The following CABIN1 variants were observed in gnomAD, a reference collection of about 807,000 sequenced individuals.
CABIN1 encodes calcineurin-binding protein cabin-1.
A neutral mutation model predicts 227.7 loss-of-function variants in CABIN1; 133 were observed. That is an observed-to-expected ratio of 0.58 (90% confidence interval 0.51 to 0.67). The LOEUF (loss-of-function observed/expected upper bound fraction) is 0.67. CABIN1 is among the 30% of genes least tolerant of loss of function. The probability of loss-of-function intolerance (pLI) is 0.00; values close to 1 mark genes in which losing one functional copy is unlikely to be tolerated. For missense variants in CABIN1, 2,408 were observed against 2,852.5 expected (o/e 0.84, Z 3.55); for synonymous variants, 1,086 against 1,155.1 (o/e 0.94, Z 1.21).
intron 29 of CABIN1, among the ~76,000 whole-genome samples, chr22:24,140,160 A>T (rs1292787862): frequency 6.6e-6 from 1 of 152,158 alleles, no homozygotes; most frequent in Non-Finnish European, 1.5e-5. Context: ...AGTTTAAGGG[A>T]CCAGAGAATG....
intron 26 of CABIN1, among the ~76,000 whole-genome samples, chr22:24,098,473 C>T (rs754093058): frequency 1.2e-4 from 18 of 152,168 alleles, no homozygotes; most frequent in African/African-American, 3.9e-4. Context: ...TTCTTTTTCT[C>T]GCCTGCAAAA....
intron 18 of CABIN1, among the ~76,000 whole-genome samples, chr22:24,075,856 T>C (rs567198197): frequency 6.6e-6 from 1 of 152,232 alleles, no homozygotes. Context: ...CACAGATGGA[T>C]GCTGTGACTG....
At chr22:24,049,905 G>A (rs978940413) in intron 7 of CABIN1, among the ~76,000 whole-genome samples, 1 of 152,072 alleles carries the variant, frequency 6.6e-6, no homozygotes, top group African/African-American at 2.4e-5. Context: ...CTTCTGAGGT[G>A]ACCCAAGAAT....
Position 24,166,920 on chromosome 22 carries a change from G to C in CABIN1, c.5289G>C (p.Thr1763=), listed in dbSNP as rs747411932. 7 of 1,605,838 alleles carry C rather than the reference G, an allele frequency of 4.4e-6. No homozygotes were observed. The highest frequency in any genetic ancestry group is 1.1e-5 in the South Asian group (1 of 90,234). The change falls in exon 32 of 37, where the codon ACG becomes ACC. Residue 1763 remains threonine, a synonymous_variant. Coordinates refer to ENST00000263119, the MANE Select transcript of CABIN1 (RefSeq NM_012295.4). ...CAGGGCCCACTGAGCCCATGGACACGAGTGAGGCCACTGTTTGCCACTCAG... is the reference window on the plus strand; with the variant it reads ...CAGGGCCCACTGAGCCCATGGACACCAGTGAGGCCACTGTTTGCCACTCAG... ...PRAGPTEPMD[T]SEATVCHSDL... is the part of the protein sequence containing the mutation.
chr22:24,176,288 G>T lies in CABIN1; in HGVS notation c.6205+13G>T. 1.3e-6 allele frequency: 2 copies of T among 1,590,626 alleles called. No individual in the cohort carries two copies. The highest frequency in any genetic ancestry group is 2.3e-5 in the East Asian group (1 of 43,558). Reference sequence around the variant, plus strand: ...ACCTGCAGCCAGGGTAAGGCGAGTTGGGAGCAGCCCAGCACCAGCCCCCAG... The same window carrying T: ...ACCTGCAGCCAGGGTAAGGCGAGTTTGGAGCAGCCCAGCACCAGCCCCCAG... On this transcript the variant is annotated intron_variant, in intron 35 of 36. Coordinates refer to ENST00000263119, the MANE Select transcript of CABIN1 (RefSeq NM_012295.4).
chr22:24,063,096 G>C lies in CABIN1; in HGVS notation c.1834G>C (p.Glu612Gln). The change falls in exon 14 of 37, where the codon GAG becomes CAG. Residue 612 changes from glutamate (E) to glutamine (Q), a missense_variant. Transcript: ENST00000263119. ...CGACCTGTTCGAGGATGGTTGGCTGGAGTTTGTGGTCCGTGTTTACTGGCT... is the reference window on the plus strand; with the variant it reads ...CGACCTGTTCGAGGATGGTTGGCTGCAGTTTGTGGTCCGTGTTTACTGGCT... ...QRDLFEDGWL[E>Q]FVVRVYWLKA... 6.2e-7 allele frequency: 1 copy of C among 1,614,166 alleles called. No individual in the cohort carries two copies. The highest frequency in any genetic ancestry group is 1.7e-4 in the Middle Eastern group (1 of 6,060).
chr22:24,152,012 G>C (rs2045513855), intron 29 of CABIN1, among the ~76,000 whole-genome samples: 1 of 152,184 alleles, frequency 6.6e-6, no homozygotes, highest in African/African-American at 2.4e-5. Flanking sequence ...TGTGGGGACA[G>C]CCATCTTGGG....
At chr22:24,105,937 A>C (rs1223967351) in intron 26 of CABIN1, among the ~76,000 whole-genome samples, 1 of 152,182 alleles carries the variant, frequency 6.6e-6, no homozygotes, top group Non-Finnish European at 1.5e-5. Context: ...CCATTAGCAC[A>C]CAAAGTTGCA....
chr22:24,032,495 T>C (rs967445697), intron 1 of CABIN1, among the ~76,000 whole-genome samples: 1 of 152,196 alleles, frequency 6.6e-6, no homozygotes, highest in Non-Finnish European at 1.5e-5. Context: ...ATTTTGTGTA[T>C]ATAGCCAGAT....
At chr22:24,071,744 T>A (rs895310947) in intron 17 of CABIN1, among the ~76,000 whole-genome samples, 1 of 152,140 alleles carries the variant, frequency 6.6e-6, no homozygotes, top group East Asian at 1.9e-4. Context: ...CCCTTCATGT[T>A]CCCTCCAGGT....
intron 26 of CABIN1, among the ~76,000 whole-genome samples, chr22:24,101,524 G>T (rs2042200234): frequency 6.6e-6 from 1 of 152,218 alleles, no homozygotes. Context: ...TCACGGAACA[G>T]CCAGGAGGGC....
chr22:24,020,836 TTGTG>T (rs71184941), intron 1 of CABIN1, among the ~76,000 whole-genome samples: 17 of 137,010 alleles, frequency 1.2e-4, no homozygotes, highest in African/African-American at 2.8e-4. Flanking sequence ...TGAGCAGTTT[TTGTG>T]TGTGTGTGTG....
chr22:24,022,504 A>G (rs2035796288), intron 1 of CABIN1, among the ~76,000 whole-genome samples: 1 of 152,184 alleles, frequency 6.6e-6, no homozygotes, highest in Admixed American at 6.6e-5. Flanking sequence ...TTATCTACTC[A>G]CCTAATGAAG....
chr22:24,094,518 G>T (rs758401935), intron 24 of CABIN1, among the ~76,000 whole-genome samples: 13 of 152,210 alleles, frequency 8.5e-5, no homozygotes, highest in Non-Finnish European at 1.3e-4. Context: ...TATATCTTGT[G>T]TTAAAAATGA....
chr22:24,055,531 GCTGA>G (rs1425582577), intron 9 of CABIN1, among the ~76,000 whole-genome samples: 1 of 152,188 alleles, frequency 6.6e-6, no homozygotes, highest in African/African-American at 2.4e-5. Context: ...CTGCTCTCTT[GCTGA>G]CTGTGTACAT....
intron 16 of CABIN1, among the ~76,000 whole-genome samples, chr22:24,070,412 T>G (rs1453500290): frequency 1.3e-5 from 2 of 152,242 alleles, no homozygotes; most frequent in Admixed American, 1.3e-4. Flanking sequence ...GCCCCTTTGC[T>G]GCTGAACCCC....
At chr22:24,018,618 A>G (rs190792495) in intron 1 of CABIN1, among the ~76,000 whole-genome samples, 168 of 152,276 alleles carry the variant, frequency 1.1e-3, no homozygotes, top group Non-Finnish European at 2.0e-3. Context: ...CTTGAGTCTA[A>G]TTCTGGACCT....
chr22:24,037,564 G>A (rs2037015608), intron 3 of CABIN1, among the ~76,000 whole-genome samples: 1 of 152,108 alleles, frequency 6.6e-6, no homozygotes, highest in African/African-American at 2.4e-5. Flanking sequence ...CTAAAGTGCT[G>A]GGATTACAGA....
intron 1 of CABIN1, among the ~76,000 whole-genome samples, chr22:24,012,355 C>T (rs1219445284): frequency 4.6e-5 from 7 of 152,008 alleles, no homozygotes; most frequent in Non-Finnish European, 1.0e-4. Context: ...ATGTAAAAAC[C>T]ATTCTTTGCT....
Sources: allele counts gnomAD v4.1 joint callset (sites outside exome capture counted in the v4.1 genomes callset), GRCh38; gene constraint gnomAD v4.1.1; transcripts MANE v1.5; gene names NCBI Gene and HGNC (gene_info 2026-07-23, HGNC 2026-07-21).